DPP9: variants seen among roughly 807,000 people sequenced by gnomAD.
DPP9 encodes dipeptidyl peptidase IV-related protein-2.
A neutral mutation model predicts 110.7 loss-of-function variants in DPP9; 50 were observed. The observed-to-expected ratio is 0.45, with a 90% CI of 0.36 to 0.57. The LOEUF (loss-of-function observed/expected upper bound fraction) is 0.57. Among genes scored for constraint, DPP9 ranks in the 20% least tolerant of loss-of-function variants. The probability of loss-of-function intolerance (pLI) is 0.00; values close to 1 mark genes in which losing one functional copy is unlikely to be tolerated. For synonymous variants in DPP9, 561 were observed against 514.4 expected, an observed-to-expected ratio of 1.09 and a Z score of -1.23; for missense variants, 1,022 against 1,217.9, an observed-to-expected ratio of 0.84 and a Z score of 2.39.
chr19:4,678,755 G>T (rs1221993078), intron 21 of DPP9, among the ~76,000 whole-genome samples: 1 of 152,034 alleles, frequency 6.6e-6, no homozygotes, highest in Non-Finnish European at 1.5e-5. Flanking sequence ...GCTCCCCACA[G>T]GACAGAGCAT....
chr19:4,690,798 C>T (rs951186276), intron 14 of DPP9, 80 bp downstream of exon 14: 30 of 1,055,286 alleles, frequency 2.8e-5, no homozygotes, highest in East Asian at 1.0e-4. Context: ...TGTGTGTATG[C>T]GCGTGCGTGT....
At chr19:4,697,412 C>A (rs2091893555) in intron 11 of DPP9, 139 bp downstream of exon 11, 2 of 679,260 alleles carry the variant, frequency 2.9e-6, no homozygotes, top group East Asian at 5.5e-5. Context: ...TGGTCTGAGG[C>A]CTGTCCTGGC....
chr19:4,714,341 C>T lies in DPP9; in HGVS notation c.57-4G>A, dbSNP rs202179513. Reference sequence around the variant, plus strand: ...CCCCTCGGAATTCAGCGAGAAGCTGCGGGGAGGAAGCAAAGACTATGAGAA... The same window carrying T: ...CCCCTCGGAATTCAGCGAGAAGCTGTGGGGAGGAAGCAAAGACTATGAGAA... On this transcript the variant is annotated splice_polypyrimidine_tract_variant and splice_region_variant and intron_variant, in intron 3 of 21. Coordinates refer to ENST00000262960, the MANE Select transcript of DPP9 (RefSeq NM_139159.5). 2,169 of 1,489,296 alleles carry T rather than the reference C, an allele frequency of 1.5e-3. 2 individuals are homozygous for T. The highest frequency in any genetic ancestry group is 1.8e-3 in the Non-Finnish European group (2,049 of 1,120,818). 92.3% of individuals were successfully genotyped at this position (1,489,296 alleles called of 1,614,324 possible). A position where few individuals can be genotyped will look rare whatever the true frequency, so the allele number is the denominator to read the frequency against.
At position 4,703,923 on chromosome 19, in the gene DPP9, C is replaced by G. The variant is rs771075990; in HGVS notation, c.732G>C (p.Glu244Asp). ...NNSDLWVANI[E>D]TGEERRLTFC... is the part of the protein sequence containing the mutation. ...AGGTCAGCCGCCGCTCCTCGCCTGT[C>G]TCGATGTTGGCCACCCACAGGTCGC... The change falls in exon 7 of 22, where the codon GAG (glutamate) becomes GAC (aspartate). Residue 244 changes from glutamate to aspartate, a missense_variant. By Grantham distance (45) the Glu-to-Asp change is conservative (BLOSUM62 2). Coordinates refer to ENST00000262960, the MANE Select transcript of DPP9 (RefSeq NM_139159.5). The G allele has an allele frequency of 2.5e-6, 4 of 1,612,548 alleles. No individual in the cohort carries two copies. The highest frequency in any genetic ancestry group is 2.2e-5 in the South Asian group (2 of 90,816).
rs1009473554 is a variant in DPP9, at chr19:4,695,107, C to T, written c.1353+271G>A. ...TCAAGGCTGCAGTGAGCTATGACCA[C>T]ACCACTGCACTCTAGTCTGGGCAAC... is the stretch of plus-strand genomic sequence containing the variant. On this transcript the variant is annotated intron_variant, in intron 12 of 21. Transcript: ENST00000262960. The surrounding 1 kb of genome is among the most constrained non-coding windows in gnomAD (Gnocchi z 4.7). The T allele has an allele frequency of 1.7e-5, 10 of 581,402 alleles. No individual in the cohort carries two copies. The highest frequency in any genetic ancestry group is 3.7e-5 in the African/African-American group (2 of 53,480). 36.0% of individuals were successfully genotyped at this position (581,402 alleles called of 1,614,324 possible). A position where few individuals can be genotyped will look rare whatever the true frequency, so the allele number is the denominator to read the frequency against.
chr19:4,685,538 G>T lies in DPP9; in HGVS notation c.2031+88C>A. Reference sequence around the variant, plus strand: ...GGTAGCCGGGGAGCCTCCTCTGGTTGACTGTTCTACAGCTGGCACTTGAGT... The same window carrying T: ...GGTAGCCGGGGAGCCTCCTCTGGTTTACTGTTCTACAGCTGGCACTTGAGT... On this transcript the variant is annotated intron_variant, in intron 17 of 21. Transcript: ENST00000262960. The surrounding 1 kb of genome is among the most constrained non-coding windows in gnomAD (Gnocchi z 5.8). 2 of 1,388,932 alleles carry T rather than the reference G, an allele frequency of 1.4e-6. No individual in the cohort carries two copies. Among genetic ancestry groups the T allele is most frequent in the South Asian group, 1.3e-5 (1 of 79,152 alleles). 86.0% of individuals were successfully genotyped at this position (1,388,932 alleles called of 1,614,324 possible).
intron 7 of DPP9, 44 bp from the exon 8 acceptor site, chr19:4,702,760 G>A (rs1274302243): frequency 7.3e-7 from 1 of 1,369,650 alleles, no homozygotes; most frequent in Non-Finnish European, 1.0e-6. Context: ...TGAGCAGCCT[G>A]CTAACACTGG....
intron 4 of DPP9, among the ~76,000 whole-genome samples, chr19:4,711,212 T>C (rs2092814349): frequency 6.6e-6 from 1 of 152,150 alleles, no homozygotes; most frequent in African/African-American, 2.4e-5. Context: ...CTTTCTGCTC[T>C]TGGGTTCCAT....
rs1340843153 is a variant in DPP9, at chr19:4,682,554, G to A, written c.2474+142C>T. The A allele has an allele frequency of 1.6e-6, 2 of 1,268,240 alleles. No homozygotes were observed. Among genetic ancestry groups the A allele is most frequent in the Admixed American group, 2.3e-5 (1 of 44,180 alleles). The allele number at this position is 1,268,240 out of a possible 1,614,324, so 78.6% of individuals were successfully genotyped here. Reference sequence around the variant, plus strand: ...CACATGCAGGCAGACGCCACCACAGGAGCACAGCGGGGAGGCTCCACATGG... The same window carrying A: ...CACATGCAGGCAGACGCCACCACAGAAGCACAGCGGGGAGGCTCCACATGG... On this transcript the variant is annotated intron_variant, in intron 20 of 21. Transcript: ENST00000262960. The surrounding 1 kb of genome is among the most constrained non-coding windows in gnomAD (Gnocchi z 7.1).
chr19:4,715,045 T>C (rs1599949003), intron 3 of DPP9, among the ~76,000 whole-genome samples: 2 of 102,808 alleles, frequency 1.9e-5, no homozygotes, highest in African/African-American at 9.5e-5. Flanking sequence ...TTTTTTTTTT[T>C]GGAGACAGAG....
rs771392403 is a variant in DPP9, at chr19:4,704,037, C to A, written c.618G>T (p.Pro206=). 1.2e-6 allele frequency: 2 copies of A among 1,613,966 alleles called. No homozygotes were observed. Among genetic ancestry groups the A allele is most frequent in the South Asian group, 2.2e-5 (2 of 91,090 alleles). Residue 206 remains proline (P), a synonymous_variant, in exon 7 of 22, where the codon CCG becomes CCT. Coordinates refer to ENST00000262960, the MANE Select transcript of DPP9 (RefSeq NM_139159.5). The surrounding 1 kb of genome is among the most constrained non-coding windows in gnomAD (Gnocchi z 6.0). ...KNGFMVSPMK[P]LEIKTQCSGP... ...CTGAGCACTGGGTCTTGATTTCCAG[C>A]GGTTTCATAGGGGACACCTGAGGAC...
chr19:4,704,385 G>A lies in DPP9; in HGVS notation c.427-81C>T, dbSNP rs935145775. 9.7e-5 allele frequency: 146 copies of A among 1,502,392 alleles called. No individual in the cohort carries two copies. The highest frequency in any genetic ancestry group is 1.8e-4 in the Middle Eastern group (1 of 5,668). The allele number at this position is 1,502,392 out of a possible 1,614,324, so 93.1% of individuals were successfully genotyped here. A position where few individuals can be genotyped will look rare whatever the true frequency, so the allele number is the denominator to read the frequency against. ...TGGCCAGGGCAGAGATCCTCGGGCTGGGGCATTCCCAGGGAATCTGACTTC... is the reference window on the plus strand; with the variant it reads ...TGGCCAGGGCAGAGATCCTCGGGCTAGGGCATTCCCAGGGAATCTGACTTC... On this transcript the variant is annotated intron_variant, in intron 5 of 21. Coordinates refer to ENST00000262960, the MANE Select transcript of DPP9 (RefSeq NM_139159.5). This position sits in a 1 kb window ranked among gnomAD's most constrained non-coding sequence, Gnocchi z 6.0.
intron 16 of DPP9, 147 bp downstream of exon 16, chr19:4,688,610 T>A: frequency 9.5e-7 from 1 of 1,054,670 alleles, no homozygotes; most frequent in Non-Finnish European, 1.3e-6. Context: ...TATGACGAGT[T>A]CCCAGATGCT....
intron 3 of DPP9, among the ~76,000 whole-genome samples, chr19:4,716,412 A>C (rs1362551660): frequency 7.2e-5 from 11 of 152,228 alleles, no homozygotes; most frequent in Non-Finnish European, 1.0e-4. Flanking sequence ...CCAAGGCAGG[A>C]GGATCATGAG....
In DPP9 at chr19:4,694,500, G is replaced by T; in HGVS notation, c.1516+161C>A. 1 of 904,160 alleles carries T rather than the reference G, an allele frequency of 1.1e-6. No individual in the cohort carries two copies. Among genetic ancestry groups the T allele is most frequent in the Non-Finnish European group, 1.7e-6 (1 of 606,056 alleles). 56.0% of individuals were successfully genotyped at this position (904,160 alleles called of 1,614,324 possible). ...CAGTTGGGTGCTCTAAGCCCTGCCA[G>T]ATCATGCAGTCACTGGGGAAGGCTG... On this transcript the variant is annotated intron_variant, in intron 13 of 21. Coordinates refer to ENST00000262960, the MANE Select transcript of DPP9 (RefSeq NM_139159.5). This position sits in a 1 kb window ranked among gnomAD's most constrained non-coding sequence, Gnocchi z 4.0.
chr19:4,702,222 C>T (rs1472584448), intron 8 of DPP9, 67 bp from the exon 9 acceptor site: 48 of 1,534,000 alleles, frequency 3.1e-5, no homozygotes, highest in South Asian at 1.9e-4. Context: ...CAGCACCCCC[C>T]GCCCCCTGCA....
At chr19:4,688,552 G>T in intron 16 of DPP9, 1 of 627,464 alleles carries the variant, frequency 1.6e-6, no homozygotes, top group Non-Finnish European at 2.4e-6. Context: ...CTTTACTGCA[G>T]CTCGAACCCA....
At position 4,693,412 on chromosome 19, in the gene DPP9, C is replaced by T. The variant is rs2091499860; in HGVS notation, c.1516+1249G>A. On this transcript the variant is annotated intron_variant, in intron 13 of 21. Coordinates refer to ENST00000262960, the MANE Select transcript of DPP9 (RefSeq NM_139159.5). This position sits in a 1 kb window ranked among gnomAD's most constrained non-coding sequence, Gnocchi z 5.0. The stretch of plus-strand genomic sequence containing the variant: ...CAGGCACGGGAACTGGCCCATACAG[C>T]ATCTCCACTACCGGGCACCTCAACT... Among the ~76,000 whole-genome samples the T allele has an allele frequency of 6.6e-6, 1 of 152,146 alleles. No individual in the cohort carries two copies. The highest frequency in any genetic ancestry group is 1.5e-5 in the Non-Finnish European group (1 of 68,008).
chr19:4,700,090 G>T lies in DPP9; in HGVS notation c.1074+126C>A. ...GGCCTGTGGCTAGGCGGACCGGGCGGCAGGGCTGGGGCCTGGGGAGTGCCC... is the reference window on the plus strand; with the variant it reads ...GGCCTGTGGCTAGGCGGACCGGGCGTCAGGGCTGGGGCCTGGGGAGTGCCC... On this transcript the variant is annotated intron_variant, in intron 10 of 21. Coordinates refer to ENST00000262960, the MANE Select transcript of DPP9 (RefSeq NM_139159.5). The surrounding 1 kb of genome is among the most constrained non-coding windows in gnomAD (Gnocchi z 4.3). 3.0e-6 allele frequency: 2 copies of T among 658,818 alleles called. No homozygotes were observed. Among genetic ancestry groups the T allele is most frequent in the Non-Finnish European group, 4.7e-6 (2 of 427,368 alleles). The allele number at this position is 658,818 out of a possible 1,614,324, so 40.8% of individuals were successfully genotyped here.
Sources: allele counts gnomAD v4.1 joint callset (sites outside exome capture counted in the v4.1 genomes callset), GRCh38; gene constraint gnomAD v4.1.1; non-coding constraint Gnocchi (gnomAD v3.1); transcripts MANE v1.5; gene names NCBI Gene and HGNC (gene_info 2026-07-23, HGNC 2026-07-21).